Variants in SPG11 observed in about 807,000 individuals in gnomAD.
The protein encoded by SPG11 is SPG11 vesicle trafficking associated, spatacsin.
A neutral mutation model predicts 274.0 loss-of-function variants in SPG11; 222 were observed. The ratio of observed to expected loss-of-function variants is 0.81; its 90% confidence interval spans 0.73 to 0.91. SPG11 has a LOEUF of 0.91. SPG11 is among the 40% of genes least tolerant of loss of function. The pLI, the probability that SPG11 is intolerant of heterozygous loss-of-function variation, is 0.00. For synonymous variants in SPG11, 1,144 were observed against 1,039.7 expected, an observed-to-expected ratio of 1.10 and a Z score of -1.93; for missense variants, 3,114 against 2,872.7, an observed-to-expected ratio of 1.08 and a Z score of -1.92.
chr15:44,581,240 T>G (rs1450889715), intron 30 of SPG11, among the ~76,000 whole-genome samples: 1 of 152,204 alleles, frequency 6.6e-6, no homozygotes, highest in Non-Finnish European at 1.5e-5. Context: ...AGGTTCTTAC[T>G]TTGTTGCCCA....
chr15:44,652,081 T>G, intron 5 of SPG11, 48 bp downstream of exon 5: 1 of 1,610,042 alleles, frequency 6.2e-7, no homozygotes. Context: ...AGCGTCAGCA[T>G]GATAAAAAAT....
chr15:44,571,222 G>C (rs1162104050), intron 33 of SPG11, among the ~76,000 whole-genome samples: 1 of 152,174 alleles, frequency 6.6e-6, no homozygotes, highest in Non-Finnish European at 1.5e-5. Context: ...CTGGGCTTTT[G>C]CATCTGCAGG....
intron 4 of SPG11, 128 bp downstream of exon 4, chr15:44,656,967 G>T: frequency 2.6e-6 from 2 of 771,458 alleles, no homozygotes; most frequent in Middle Eastern, 3.1e-4. Context: ...CAATGTATTA[G>T]CTAGAACATG....
chr15:44,619,763 C>T (rs1186401746), intron 15 of SPG11, among the ~76,000 whole-genome samples: 21 of 148,502 alleles, frequency 1.4e-4, no homozygotes, highest in Non-Finnish European at 2.5e-4. Flanking sequence ...CACTCTGTTG[C>T]CCAGGCTGGA....
chr15:44,651,246 A>G (rs1376224171), intron 6 of SPG11, among the ~76,000 whole-genome samples: 1 of 152,204 alleles, frequency 6.6e-6, no homozygotes, highest in Non-Finnish European at 1.5e-5. Context: ...GTTAAAAATA[A>G]TAATAATAAT....
chr15:44,600,484 G>A lies in SPG11; in HGVS notation c.3669C>T (p.Ser1223=). The A allele has an allele frequency of 1.2e-6, 2 of 1,614,030 alleles. No homozygotes were observed. Among genetic ancestry groups the A allele is most frequent in the Non-Finnish European group, 1.7e-6 (2 of 1,179,974 alleles). The part of the protein sequence containing the change: ...GTFLVQELIK[S]KTPKQLIQQV... ...ATACTCACAGCTGCTTGGGAGTCTT[G>A]CTCTTGATTAATTCCTGGACCAGAA... The change falls in exon 21 of 40, where the codon AGC becomes AGT. Residue 1223 remains serine, a synonymous_variant. Transcript: ENST00000261866.
intron 20 of SPG11, 86 bp downstream of exon 20, chr15:44,605,939 G>A (rs1282794220): frequency 3.4e-5 from 39 of 1,154,054 alleles, no homozygotes; most frequent in Non-Finnish European, 4.8e-5. Flanking sequence ...AAAAATCAAT[G>A]AGAAAACTAG....
intron 27 of SPG11, among the ~76,000 whole-genome samples, chr15:44,589,843 T>C (rs2082859018): frequency 6.6e-6 from 1 of 152,272 alleles, no homozygotes; most frequent in Non-Finnish European, 1.5e-5. Context: ...TCTCACTCTG[T>C]TGCCTAGGCT....
At chr15:44,645,361 A>T (rs1423556397) in intron 7 of SPG11, among the ~76,000 whole-genome samples, 1 of 152,214 alleles carries the variant, frequency 6.6e-6, no homozygotes, top group Non-Finnish European at 1.5e-5. Context: ...AAAAACAAAC[A>T]ATGGGCAAAG....
Position 44,651,698 on chromosome 15 carries a change from G to A in SPG11, c.1249C>T (p.His417Tyr), listed in dbSNP as rs1239463294. Residue 417 changes from histidine to tyrosine, a missense_variant, in exon 6 of 40, where the codon CAC becomes TAC. Transcript: ENST00000261866. ...SDPGRSWKIM[H>Y]ISEQEEPIEL... Reference sequence around the variant, plus strand: ...ATGGGTTCCTCTTGTTCACTGATGTGCATTATTTTCCATGATCTTCCTGGA... The same window carrying A: ...ATGGGTTCCTCTTGTTCACTGATGTACATTATTTTCCATGATCTTCCTGGA... The A allele has an allele frequency of 6.2e-7, 1 of 1,614,166 alleles. No individual in the cohort carries two copies. The highest frequency in any genetic ancestry group is 2.2e-5 in the East Asian group (1 of 44,888).
rs1023862997 is a variant in SPG11 at position 44,620,397 on chromosome 15, T to C, written c.2627A>G (p.Lys876Arg). 4 of 1,611,524 alleles carry C rather than the reference T, an allele frequency of 2.5e-6. No homozygotes were observed. The Admixed American group carries it at 6.7e-5, about 27-fold the overall frequency. The change falls in exon 15 of 40, where the codon AAA (lysine) becomes AGA (arginine). Residue 876 changes from lysine to arginine, a missense_variant. Transcript: ENST00000261866. ...LLPRISPEEY[K>R]SYSPEALWRY... ...CCAGAGGGCTTCAGGGGAATATGAT[T>C]TGTATTCTACATGAAAAAAAACACA... is the stretch of plus-strand genomic sequence containing the variant.
At chr15:44,600,338 G>C (rs1332144941) in intron 21 of SPG11, 129 bp downstream of exon 21, 1 of 936,492 alleles carries the variant, frequency 1.1e-6, no homozygotes, top group South Asian at 1.3e-5. Flanking sequence ...AGGCTAGAGT[G>C]CAGTGGCATG....
At position 44,657,154 on chromosome 15, in the gene SPG11, A is replaced by C; in HGVS notation, c.810T>G (p.Val270=). 1.9e-6 allele frequency: 3 copies of C among 1,614,228 alleles called. No homozygotes were observed. Among genetic ancestry groups the C allele is most frequent in the Non-Finnish European group, 1.7e-6 (2 of 1,180,038 alleles). The part of the protein sequence containing the change: ...TSLKVSQDLD[V]AVIVSSSNSA... ...AGTTGGAGGAGCTGACAATCACTGC[A>C]ACATCGAGGTCTTGAGAAACTTTCA... Residue 270 remains valine (V), a synonymous_variant, in exon 4 of 40, where the codon GTT becomes GTG. Coordinates refer to ENST00000261866, the MANE Select transcript of SPG11 (RefSeq NM_025137.4).
chr15:44,634,625 C>G (rs1028417221), intron 7 of SPG11, among the ~76,000 whole-genome samples: 1 of 151,674 alleles, frequency 6.6e-6, no homozygotes, highest in African/African-American at 2.4e-5. Flanking sequence ...CTTGCTCTGT[C>G]GCCCAGGCTG....
intron 35 of SPG11, among the ~76,000 whole-genome samples, chr15:44,567,984 C>T (rs1176061956): frequency 1.3e-5 from 2 of 152,116 alleles, no homozygotes; most frequent in African/African-American, 4.8e-5. Flanking sequence ...TACCATGTAG[C>T]CATTAAAACT....
intron 18 of SPG11, among the ~76,000 whole-genome samples, chr15:44,608,893 T>A (rs1374509248): frequency 5.9e-5 from 9 of 152,130 alleles, no homozygotes; most frequent in Admixed American, 5.2e-4. Context: ...AGAAATTGTT[T>A]GAAAAACAGC....
chr15:44,567,458 G>A lies in SPG11; in HGVS notation c.6720C>T (p.Arg2240=). 1 of 1,613,844 alleles carries A rather than the reference G, an allele frequency of 6.2e-7. No individual in the cohort carries two copies. The highest frequency in any genetic ancestry group is 8.5e-7 in the Non-Finnish European group (1 of 1,179,956). Reference sequence around the variant, plus strand: ...GAGACTCAATCAATTTCAGTTGGATGCGGGCAGCTGCCTCGTGGTTCTCGC... The same window carrying A: ...GAGACTCAATCAATTTCAGTTGGATACGGGCAGCTGCCTCGTGGTTCTCGC... ...EIGENHEAAA[R]IQLKLIESQP... The change falls in exon 36 of 40, where the codon CGC becomes CGT. Residue 2240 remains arginine (R), a synonymous_variant. Transcript: ENST00000261866.
At chr15:44,567,927 G>C (rs2140917876) in intron 35 of SPG11, among the ~76,000 whole-genome samples, 1 of 152,298 alleles carries the variant, frequency 6.6e-6, no homozygotes, top group South Asian at 2.1e-4. Flanking sequence ...ATATTTAATA[G>C]CAAACAATGA....
rs2083114411 is a variant in SPG11 at position 44,598,930 on chromosome 15, C to T, written c.3687-94G>A. Reference sequence around the variant, plus strand: ...AATTAAATCAGTGACAGAGGGAGTGCCAGCCATGTGATTTGTGGCCTCCTC... The same window carrying T: ...AATTAAATCAGTGACAGAGGGAGTGTCAGCCATGTGATTTGTGGCCTCCTC... On this transcript the variant is annotated intron_variant, in intron 21 of 39. Transcript: ENST00000261866. 20 of 1,258,410 alleles carry T rather than the reference C, an allele frequency of 1.6e-5. No homozygotes were observed. In the South Asian group the frequency reaches 2.5e-4, roughly 16 times the overall value. The allele number at this position is 1,258,410 out of a possible 1,614,324, so 78.0% of individuals were successfully genotyped here.
Sources: gnomAD v4.1 joint callset for allele counts (sites outside exome capture counted in the v4.1 genomes callset) on GRCh38, gnomAD v4.1.1 for gene constraint, MANE v1.5 for transcripts, NCBI Gene and HGNC (gene_info 2026-07-23, HGNC 2026-07-21) for gene names.